The following LCT variants were observed in gnomAD, a reference collection of about 807,000 sequenced individuals.
LCT encodes the protein lactase/phlorizin hydrolase.
In LCT, 90 loss-of-function variants were observed where a neutral mutation model predicts 173.0. The ratio of observed to expected loss-of-function variants is 0.52; its 90% confidence interval spans 0.44 to 0.62. LCT has a LOEUF of 0.62. Among genes scored for constraint, LCT ranks in the 20% least tolerant of loss-of-function variants. The pLI is 0.00. For synonymous variants in LCT, 853 were observed against 957.6 expected (o/e 0.89, Z 2.02); for missense variants, 1,864 against 2,431.4 (o/e 0.77, Z 4.91).
Position 135,790,772 on chromosome 2 carries a change from T to C in LCT, c.5221A>G (p.Asn1741Asp), listed in dbSNP as rs1279737537. 6 of 1,613,692 alleles carry C rather than the reference T, an allele frequency of 3.7e-6. No homozygotes were observed. The highest frequency in any genetic ancestry group is 1.7e-4 in the Middle Eastern group (1 of 5,966). ...RILNWLKEEY[N>D]DPPIYVTENG... Reference sequence around the variant, plus strand: ...TCTGTGACATAAATTGGAGGGTCATTGTATTCCTCCTTTAACCAGTTCAGG... The same window carrying C: ...TCTGTGACATAAATTGGAGGGTCATCGTATTCCTCCTTTAACCAGTTCAGG... Residue 1741 changes from asparagine (N) to aspartate (D), a missense_variant, in exon 15 of 17, where the codon AAT (asparagine) becomes GAT (aspartate). By Grantham distance (23) the Asn-to-Asp change is conservative (BLOSUM62 1). Coordinates refer to ENST00000264162, the MANE Select transcript of LCT (RefSeq NM_002299.4). The surrounding 1 kb of genome is among the most constrained non-coding windows in gnomAD (Gnocchi z 4.1).
At position 135,794,618 on chromosome 2, in the gene LCT, G is replaced by A. The variant is rs3213890; in HGVS notation, c.5111+23C>T. On this transcript the variant is annotated intron_variant, in intron 14 of 16. Coordinates refer to ENST00000264162, the MANE Select transcript of LCT (RefSeq NM_002299.4). ...TTCTGCCTTTTCCAGAGATGGCTCC[G>A]GGCTCCCTGTTGGTGGACTTACCTG... 0.15 allele frequency: 247,340 copies of A among 1,612,376 alleles called. 23,544 individuals carry two copies. Among genetic ancestry groups the A allele is most frequent in the Middle Eastern group, 0.37 (2,109 of 5,660 alleles).
Position 135,835,273 on chromosome 2 carries a change from C to T in LCT, c.640+1257G>A, listed in dbSNP as rs145896329. 5.4e-3 allele frequency among the ~76,000 whole-genome samples: 819 copies of T among 151,718 alleles called. 7 individuals carry two copies. Among genetic ancestry groups the T allele is most frequent in the African/African-American group, 0.019 (787 of 41,430 alleles). ...TTTGTTTTAAGCAATACTATTCCAGCACTGGAGTAAATTATTATATTATTT... is the reference window on the plus strand; with the variant it reads ...TTTGTTTTAAGCAATACTATTCCAGTACTGGAGTAAATTATTATATTATTT... On this transcript the variant is annotated intron_variant, in intron 1 of 16. Coordinates refer to ENST00000264162, the MANE Select transcript of LCT (RefSeq NM_002299.4).
intron 13 of LCT, among the ~76,000 whole-genome samples, chr2:135,797,494 C>T (rs2077591983): frequency 6.6e-6 from 1 of 152,210 alleles, no homozygotes; most frequent in South Asian, 2.1e-4. Flanking sequence ...AGCTCTATCT[C>T]TTAATAGCTG....
rs2077686779 is a variant in LCT at position 135,807,465 on chromosome 2, C to G, written c.3905-69G>C. The G allele has an allele frequency of 2.8e-6, 4 of 1,407,896 alleles. No homozygotes were observed. The African/African-American group carries it at 5.6e-5, about 20-fold the overall frequency. The allele number at this position is 1,407,896 out of a possible 1,614,324, so 87.2% of individuals were successfully genotyped here. A position where few individuals can be genotyped will look rare whatever the true frequency, so the allele number is the denominator to read the frequency against. ...AGTCAGGACCTCCATGCACCCAACC[C>G]ACTGCCAGCTCCTCAATTCAAGGTT... is the stretch of plus-strand genomic sequence containing the variant. On this transcript the variant is annotated intron_variant, in intron 8 of 16. Transcript: ENST00000264162.
chr2:135,792,636 G>A (rs1187610318), intron 14 of LCT, among the ~76,000 whole-genome samples: 1 of 152,128 alleles, frequency 6.6e-6, no homozygotes, highest in Non-Finnish European at 1.5e-5. Flanking sequence ...AACTTCCCTA[G>A]CAACCTGTAT....
chr2:135,829,275 C>T (rs1380166855), intron 3 of LCT, among the ~76,000 whole-genome samples: 1 of 152,134 alleles, frequency 6.6e-6, no homozygotes, highest in African/African-American at 2.4e-5. Context: ...CCATCACCCC[C>T]ATTGATGAGT....
chr2:135,821,790 C>T (rs892214586), intron 5 of LCT: 101 of 539,686 alleles, frequency 1.9e-4, no homozygotes, highest in Non-Finnish European at 3.1e-4. Context: ...ATGCTAGTTG[C>T]GCACAGTTGG....
At chr2:135,833,057 A>C in intron 2 of LCT, 54 bp downstream of exon 2, 1 of 1,360,838 alleles carries the variant, frequency 7.3e-7, no homozygotes, top group Non-Finnish European at 1.1e-6. Flanking sequence ...TTTTTAAAAA[A>C]TTAAAATCAA....
intron 1 of LCT, among the ~76,000 whole-genome samples, chr2:135,835,488 A>G (rs1418902164): frequency 5.9e-4 from 30 of 50,444 alleles, no homozygotes; most frequent in Admixed American, 1.0e-3. Flanking sequence ...AGAAGTATAT[A>G]TATATATATA....
rs538609699 is a variant in LCT at position 135,809,170 on chromosome 2, A to G, written c.3177T>C (p.Phe1059=). The G allele has an allele frequency of 1.6e-5, 26 of 1,614,226 alleles. 1 individual carries two copies. The South Asian group carries it at 2.5e-4, about 16-fold the overall frequency. ...CFQTFGDRVK[F]WMTFNEPMYL... ...ACATGGGCTCATTAAAAGTCATCCAAAACTTGACTCTATCACCAAAGGTCT... is the reference window on the plus strand; with the variant it reads ...ACATGGGCTCATTAAAAGTCATCCAGAACTTGACTCTATCACCAAAGGTCT... The change falls in exon 8 of 17, where the codon TTT becomes TTC. Residue 1059 remains phenylalanine, a synonymous_variant. Coordinates refer to ENST00000264162, the MANE Select transcript of LCT (RefSeq NM_002299.4). The surrounding 1 kb of genome is among the most constrained non-coding windows in gnomAD (Gnocchi z 5.5).
rs1383141381 is a variant in LCT, at chr2:135,826,368, C to A, written c.805-2365G>T. 1.6e-4 allele frequency among the ~76,000 whole-genome samples: 24 copies of A among 148,066 alleles called. 1 individual carries two copies. Among genetic ancestry groups the A allele is most frequent in the Non-Finnish European group, 1.5e-5 (1 of 67,554 alleles). ...GGCCAGGAGTTCGAGACCAGCCTAGCCAACATGGTGAAACACTGTATCTGC... is the reference window on the plus strand; with the variant it reads ...GGCCAGGAGTTCGAGACCAGCCTAGACAACATGGTGAAACACTGTATCTGC... On this transcript the variant is annotated intron_variant, in intron 3 of 16. Coordinates refer to ENST00000264162, the MANE Select transcript of LCT (RefSeq NM_002299.4).
rs2077711038 is a variant in LCT, at chr2:135,809,256, C to T, written c.3091G>A (p.Gly1031Arg). The change falls in exon 8 of 17, where the codon GGA becomes AGA. Residue 1031 changes from glycine (G) to arginine (R), a missense_variant. Around this residue, in one of 4 missense-constraint regions of LCT, gnomAD observed 755 missense variants for 926.3 expected, o/e 0.82. Transcript: ENST00000264162. The surrounding 1 kb of genome is among the most constrained non-coding windows in gnomAD (Gnocchi z 5.5). ...ATCAAGGCAGGATTCTCCCAGCCTC[C>T]GATATCCTGGAGGGCCTGGGGCAGG... is the stretch of plus-strand genomic sequence containing the variant. ...WDLPQALQDI[G>R]GWENPALIDL... 10 of 1,614,058 alleles carry T rather than the reference C, an allele frequency of 6.2e-6. No individual in the cohort carries two copies. Among genetic ancestry groups the T allele is most frequent in the Middle Eastern group, 1.6e-4 (1 of 6,084 alleles).
In LCT at chr2:135,807,199, T is replaced by C. The variant is rs2077683311; in HGVS notation, c.4102A>G (p.Arg1368Gly). Residue 1368 changes from arginine (R) to glycine (G), a missense_variant, in exon 9 of 17, where the codon AGG (arginine) becomes GGG (glycine). By Grantham distance (125) the Arg-to-Gly change is moderately radical. This residue lies in a region of LCT where 514 missense variants were observed against 750.1 expected (regional missense o/e 0.69). Coordinates refer to ENST00000264162, the MANE Select transcript of LCT (RefSeq NM_002299.4). ...VITNNGMPLA[R>G]EDEFLYGRFP... Reference sequence around the variant, plus strand: ...CGTCCGTACAGAAACTCATCCTCCCTGGCCAGTGGCATGCCGTTGTTGGTA... The same window carrying C: ...CGTCCGTACAGAAACTCATCCTCCCCGGCCAGTGGCATGCCGTTGTTGGTA... 1 of 1,614,214 alleles carries C rather than the reference T, an allele frequency of 6.2e-7. No homozygotes were observed. Among genetic ancestry groups the C allele is most frequent in the South Asian group, 1.1e-5 (1 of 91,084 alleles).
intron 14 of LCT, among the ~76,000 whole-genome samples, chr2:135,791,515 A>G (rs2077532985): frequency 6.6e-6 from 1 of 152,232 alleles, no homozygotes; most frequent in Non-Finnish European, 1.5e-5. Flanking sequence ...CATATGTCAA[A>G]TAAGAACCAA....
intron 2 of LCT, among the ~76,000 whole-genome samples, chr2:135,831,899 G>A (rs1055319407): frequency 6.6e-6 from 1 of 152,128 alleles, no homozygotes; most frequent in African/African-American, 2.4e-5. Context: ...TCACTTCCCA[G>A]ATTATTTTAA....
intron 3 of LCT, among the ~76,000 whole-genome samples, chr2:135,825,879 G>A (rs1031818333): frequency 6.6e-6 from 1 of 152,214 alleles, no homozygotes; most frequent in Non-Finnish European, 1.5e-5. Context: ...TCCAGGACAG[G>A]GAGGGAGGGG....
At chr2:135,829,736 C>T in intron 2 of LCT, 60 bp from the exon 3 acceptor site, 2 of 1,125,206 alleles carry the variant, frequency 1.8e-6, no homozygotes, top group South Asian at 2.5e-5. Context: ...CTAACAGCCT[C>T]TCAGAAGTAC....
intron 5 of LCT, among the ~76,000 whole-genome samples, chr2:135,818,631 A>C (rs1218728942): frequency 6.6e-6 from 1 of 152,202 alleles, no homozygotes; most frequent in African/African-American, 2.4e-5. Context: ...CGAGGTCAGA[A>C]GTTCGAGACC....
intron 5 of LCT, chr2:135,820,153 C>G (rs2077815516): frequency 6.6e-6 from 1 of 152,176 alleles, no homozygotes; most frequent in South Asian, 2.1e-4. Context: ...TGAATCACTC[C>G]CCACCCACCG....
Sources: gnomAD v4.1 joint callset for allele counts (sites outside exome capture counted in the v4.1 genomes callset) on GRCh38, gnomAD v4.1.1 for gene constraint, gnomAD v4.1.1 regional missense constraint, Gnocchi (gnomAD v3.1) non-coding constraint, MANE v1.5 for transcripts, NCBI Gene and HGNC (gene_info 2026-07-23, HGNC 2026-07-21) for gene names.